Variants in EPAS1 observed in about 807,000 individuals in gnomAD.
EPAS1 encodes the protein endothelial PAS domain-containing protein 1.
Under a neutral mutation model 87.9 loss-of-function variants are expected in EPAS1, and 23 were observed. The ratio of observed to expected loss-of-function variants is 0.26; its 90% CI spans 0.19 to 0.37. The LOEUF (loss-of-function observed/expected upper bound fraction) is 0.37, where lower values mean the gene tolerates loss of function less well. Ranked by LOEUF, EPAS1 falls within the 10% of genes least tolerant of loss-of-function variation. The probability of loss-of-function intolerance (pLI) is 1.00; values close to 1 mark genes in which losing one functional copy is unlikely to be tolerated. For missense variants in EPAS1, 1,138 were observed against 1,120.7 expected (o/e 1.02, Z -0.22); for synonymous variants, 508 against 444.3 (o/e 1.14, Z -1.80).
rs534275447 is a variant in EPAS1 at position 46,320,294 on chromosome 2, G to A, written c.26+22357G>A. Reference sequence around the variant, plus strand: ...TTGGTCATTACCCGATTCTGGTAGGGTACTTGCCATGTGTACACATTTAGG... The same window carrying A: ...TTGGTCATTACCCGATTCTGGTAGGATACTTGCCATGTGTACACATTTAGG... On this transcript the variant is annotated intron_variant, in intron 1 of 15. Coordinates refer to ENST00000263734, the MANE Select transcript of EPAS1 (RefSeq NM_001430.5). Among the ~76,000 whole-genome samples, 11 of 152,284 alleles carry A rather than the reference G, an allele frequency of 7.2e-5. No individual in the cohort carries two copies. In the East Asian group the frequency reaches 2.1e-3, roughly 29 times the overall value.
At chr2:46,318,555 G>T (rs532310964) in intron 1 of EPAS1, among the ~76,000 whole-genome samples, 2 of 152,296 alleles carry the variant, frequency 1.3e-5, no homozygotes, top group East Asian at 1.9e-4. Context: ...CATTTAACAC[G>T]TGTAAAACTG....
Position 46,382,264 on chromosome 2 carries a change from C to T in EPAS1, c.2288-161C>T, listed in dbSNP as rs72887439. On this transcript the variant is annotated intron_variant, in intron 14 of 15. Coordinates refer to ENST00000263734, the MANE Select transcript of EPAS1 (RefSeq NM_001430.5). ...AGTCCCACACACCCAACTTTTCCAT[C>T]TCCACTCTGACTTAGATGATGCCAT... Among the ~76,000 whole-genome samples the T allele has an allele frequency of 7.5e-3, 1,138 of 152,344 alleles. 14 individuals are homozygous for T. The highest frequency in any genetic ancestry group is 0.026 in the African/African-American group (1,063 of 41,582).
At position 46,354,377 on chromosome 2, in the gene EPAS1, G is replaced by A. The variant is rs182012136; in HGVS notation, c.218-1774G>A. ...GTGAGGCATATTTTGATTGATGTTT[G>A]CACTGGATAAATACAAATTTTCATA... On this transcript the variant is annotated intron_variant, in intron 2 of 15. Transcript: ENST00000263734. Among the ~76,000 whole-genome samples, 245 of 152,152 alleles carry A rather than the reference G, an allele frequency of 1.6e-3. 1 individual carries two copies. The highest frequency in any genetic ancestry group is 5.7e-3 in the African/African-American group (235 of 41,478).
chr2:46,382,350 GGGAT>G, intron 14 of EPAS1, 71 bp from the exon 15 acceptor site: 1 of 1,577,244 alleles, frequency 6.3e-7, no homozygotes, highest in Non-Finnish European at 8.7e-7. Flanking sequence ...ATAAAGGAAA[GGGAT>G]GCTAGGGCTT....
At position 46,380,030 on chromosome 2, in the gene EPAS1, T is replaced by C; in HGVS notation, c.1555-197T>C. 1.3e-6 allele frequency: 1 copy of C among 786,148 alleles called. No homozygotes were observed. Among genetic ancestry groups the C allele is most frequent in the Non-Finnish European group, 2.2e-6 (1 of 460,478 alleles). The allele number at this position is 786,148 out of a possible 1,614,324, so 48.7% of individuals were successfully genotyped here. ...GGGGATAAACATGGGGGAAGGCTGG[T>C]ACATGATACAAGGTCGTGTACATGA... On this transcript the variant is annotated intron_variant, in intron 11 of 15. Coordinates refer to ENST00000263734, the MANE Select transcript of EPAS1 (RefSeq NM_001430.5). This position sits in a 1 kb window ranked among gnomAD's most constrained non-coding sequence, Gnocchi z 4.4.
At position 46,375,820 on chromosome 2, in the gene EPAS1, T is replaced by C; in HGVS notation, c.1017T>C (p.Cys339=). 6.2e-7 allele frequency: 1 copy of C among 1,614,174 alleles called. No homozygotes were observed. The highest frequency in any genetic ancestry group is 8.5e-7 in the Non-Finnish European group (1 of 1,180,032). ...ACCTGCAGCCCCAGTGCATCATGTG[T>C]GTCAACTACGTCCTGAGGTAAGCAT... ...PRNLQPQCIM[C]VNYVLSEIEK... The change falls in exon 8 of 16, where the codon TGT becomes TGC. Residue 339 remains cysteine, a synonymous_variant. Transcript: ENST00000263734. This position sits in a 1 kb window ranked among gnomAD's most constrained non-coding sequence, Gnocchi z 4.1.
chr2:46,371,861 A>C lies in EPAS1; in HGVS notation c.886+1928A>C, dbSNP rs1684632646. Reference sequence around the variant, plus strand: ...AGCCAAGGCAAGAGACAAATGTAAAAATTTCTGGGAATTCTTGGAGGACAG... The same window carrying C: ...AGCCAAGGCAAGAGACAAATGTAAACATTTCTGGGAATTCTTGGAGGACAG... On this transcript the variant is annotated intron_variant, in intron 7 of 15. Coordinates refer to ENST00000263734, the MANE Select transcript of EPAS1 (RefSeq NM_001430.5). This position sits in a 1 kb window ranked among gnomAD's most constrained non-coding sequence, Gnocchi z 4.3. 6.6e-6 allele frequency among the ~76,000 whole-genome samples: 1 copy of C among 152,158 alleles called. No homozygotes were observed. The highest frequency in any genetic ancestry group is 6.5e-5 in the Admixed American group (1 of 15,276).
chr2:46,356,930 TA>T lies in EPAS1; in HGVS notation c.454+128del, dbSNP rs949765147. The T allele has an allele frequency of 4.1e-6, 3 of 738,278 alleles. No homozygotes were observed. The African/African-American group carries it at 5.2e-5, about 13-fold the overall frequency. 45.7% of individuals were successfully genotyped at this position (738,278 alleles called of 1,614,324 possible). A position where few individuals can be genotyped will look rare whatever the true frequency, so the allele number is the denominator to read the frequency against. ...GTGATGCAGGAAAAATGGATGTCCT[TA>T]AAAAATTTAAGTATGTAGCCTGTGA... On this transcript the variant is annotated intron_variant, in intron 4 of 15. Transcript: ENST00000263734.
At chr2:46,373,140 T>G (rs1684662803) in intron 7 of EPAS1, among the ~76,000 whole-genome samples, 1 of 152,174 alleles carries the variant, frequency 6.6e-6, no homozygotes, top group South Asian at 2.1e-4. Flanking sequence ...TTTCCTCATG[T>G]TAAAAGAAAA....
At chr2:46,322,952 CTAA>C (rs1683481368) in intron 1 of EPAS1, among the ~76,000 whole-genome samples, 1 of 152,236 alleles carries the variant, frequency 6.6e-6, no homozygotes, top group African/African-American at 2.4e-5. Context: ...AATTTCTGTA[CTAA>C]CCTGTATGGC....
In EPAS1 at chr2:46,360,037, C is replaced by G. The variant is rs920543214; in HGVS notation, c.455-601C>G. 6.6e-6 allele frequency among the ~76,000 whole-genome samples: 1 copy of G among 152,122 alleles called. No homozygotes were observed. Among genetic ancestry groups the G allele is most frequent in the East Asian group, 1.9e-4 (1 of 5,186 alleles). On this transcript the variant is annotated intron_variant, in intron 4 of 15. Coordinates refer to ENST00000263734, the MANE Select transcript of EPAS1 (RefSeq NM_001430.5). The surrounding 1 kb of genome is among the most constrained non-coding windows in gnomAD (Gnocchi z 4.5). ...CAAGTCCACTGTAAGGAGATTCGTA[C>G]CAGAGTTCTCTCTAGAGCCTTGATA...
chr2:46,323,422 T>G (rs904806143), intron 1 of EPAS1, among the ~76,000 whole-genome samples: 2 of 152,190 alleles, frequency 1.3e-5, no homozygotes, highest in Admixed American at 6.5e-5. Context: ...TAAACAAGAC[T>G]GAATTATGTT....
intron 4 of EPAS1, among the ~76,000 whole-genome samples, chr2:46,358,414 C>T (rs1442979511): frequency 1.3e-5 from 2 of 152,210 alleles, no homozygotes; most frequent in African/African-American, 4.8e-5. Context: ...GATTCATGTT[C>T]TGCATGGGTA....
rs138640582 is a variant in EPAS1 at position 46,316,673 on chromosome 2, T to C, written c.26+18736T>C. 2.0e-5 allele frequency among the ~76,000 whole-genome samples: 3 copies of C among 152,342 alleles called. No homozygotes were observed. In the East Asian group the frequency reaches 5.8e-4, roughly 29 times the overall value. ...TTACTGGGAGAGGTTCTTGCCTCCA[T>C]ATCGGTGGCTGCAGAACTGATTAGT... is the stretch of plus-strand genomic sequence containing the variant. On this transcript the variant is annotated intron_variant, in intron 1 of 15. Transcript: ENST00000263734.
Position 46,347,124 on chromosome 2 carries a change from T to C in EPAS1, c.217+61T>C, listed in dbSNP as rs1376090232. 2 of 1,595,082 alleles carry C rather than the reference T, an allele frequency of 1.3e-6. No homozygotes were observed. Among genetic ancestry groups the C allele is most frequent in the African/African-American group, 2.7e-5 (2 of 74,542 alleles). Reference sequence around the variant, plus strand: ...CCAGCCTTACCAGCATGTTCCTATATGCAGGGGACCCTTCTGCTGCCAGAG... The same window carrying C: ...CCAGCCTTACCAGCATGTTCCTATACGCAGGGGACCCTTCTGCTGCCAGAG... On this transcript the variant is annotated intron_variant, in intron 2 of 15. Coordinates refer to ENST00000263734, the MANE Select transcript of EPAS1 (RefSeq NM_001430.5). This position sits in a 1 kb window ranked among gnomAD's most constrained non-coding sequence, Gnocchi z 4.2.
Position 46,375,871 on chromosome 2 carries a change from G to C in EPAS1, c.1034+34G>C. ...GTGAGGGCTGGCGGGCCTTGGTGCAGGGTATGTGGGGGTGCCCAAGCTTCC... is the reference window on the plus strand; with the variant it reads ...GTGAGGGCTGGCGGGCCTTGGTGCACGGTATGTGGGGGTGCCCAAGCTTCC... On this transcript the variant is annotated intron_variant, in intron 8 of 15. Coordinates refer to ENST00000263734, the MANE Select transcript of EPAS1 (RefSeq NM_001430.5). This position sits in a 1 kb window ranked among gnomAD's most constrained non-coding sequence, Gnocchi z 4.1. 1.2e-6 allele frequency: 2 copies of C among 1,613,738 alleles called. No homozygotes were observed. Among genetic ancestry groups the C allele is most frequent in the Non-Finnish European group, 1.7e-6 (2 of 1,179,984 alleles).
chr2:46,358,611 A>AT, intron 4 of EPAS1, among the ~76,000 whole-genome samples: 1 of 152,302 alleles, frequency 6.6e-6, no homozygotes, highest in South Asian at 2.1e-4. Flanking sequence ...AATTGATGGT[A>AT]TTGGACTAGG....
intron 1 of EPAS1, among the ~76,000 whole-genome samples, chr2:46,302,426 A>G (rs1683027356): frequency 6.6e-6 from 1 of 151,834 alleles, no homozygotes; most frequent in African/African-American, 2.4e-5. Context: ...AGCCTGATGA[A>G]TCTTCCCTTT....
At chr2:46,307,448 G>A (rs1361738138) in intron 1 of EPAS1, among the ~76,000 whole-genome samples, 4 of 152,218 alleles carry the variant, frequency 2.6e-5, no homozygotes, top group Non-Finnish European at 5.9e-5. Flanking sequence ...CCATATCGTT[G>A]TGCAGCGGGA....
Sources: gnomAD v4.1 joint callset for allele counts (sites outside exome capture counted in the v4.1 genomes callset) on GRCh38, gnomAD v4.1.1 for gene constraint, Gnocchi (gnomAD v3.1) non-coding constraint, MANE v1.5 for transcripts, NCBI Gene and HGNC (gene_info 2026-07-23, HGNC 2026-07-21) for gene names.